Variants in EXD1 observed in about 807,000 individuals in gnomAD.
The protein encoded by EXD1 is piRNA biogenesis protein EXD1.
EXD1 carries 63 observed loss-of-function variants against 49.1 expected under a neutral mutation model. The observed-to-expected ratio is 1.28, with a 90% CI of 1.05 to 1.58. The LOEUF is 1.58. Ranked by LOEUF, EXD1 falls within the 40% of genes most tolerant of loss-of-function variation. The pLI is 0.00. For missense variants in EXD1, 748 were observed against 666.0 expected (o/e 1.12, Z -1.36); for synonymous variants, 234 against 239.2 (o/e 0.98, Z 0.20).
intron 3 of EXD1, 60 bp downstream of exon 3, chr15:41,219,770 A>G (rs2047057496): frequency 7.3e-7 from 1 of 1,362,812 alleles, no homozygotes; most frequent in South Asian, 1.3e-5. Flanking sequence ...AGACAAGACA[A>G]TTTCAAATAT....
chr15:41,192,592 GCATTTTTTTTTTTTTTTTTTTTT>G (rs1415065558), intron 9 of EXD1, among the ~76,000 whole-genome samples: 6 of 86,214 alleles, frequency 7.0e-5, no homozygotes, highest in East Asian at 7.8e-4. Context: ...ACTGCGCCAG[GCATTTTTTTTTTTTTTTTTTTTT>G]TTTTTTTTTT....
chr15:41,192,719 A>T (rs2046545617), intron 9 of EXD1, among the ~76,000 whole-genome samples: 1 of 136,206 alleles, frequency 7.3e-6, no homozygotes. Flanking sequence ...AGTTCAAGGG[A>T]TCTTCCCACC....
In EXD1 at chr15:41,189,977, G is replaced by A. The variant is rs761801280; in HGVS notation, c.1016C>T (p.Thr339Met). ...LTTLVDGYLN[T>M]YREGSADRLG... ...CCGGTCTGCAGACCCTTCGCGATAC[G>A]TGTTTAGGTAACCATCCACCAGGGT... Residue 339 changes from threonine to methionine, a missense_variant, in exon 11 of 12, where the codon ACG becomes ATG. Coordinates refer to ENST00000458580, the MANE Select transcript of EXD1 (RefSeq NM_001286441.2). 13 of 1,613,964 alleles carry A rather than the reference G, an allele frequency of 8.1e-6. No homozygotes were observed. The highest frequency in any genetic ancestry group is 4.0e-5 in the African/African-American group (3 of 74,908).
rs577420667 is a variant in EXD1, at chr15:41,190,346, G to A, written c.865-218C>T. 312 of 457,200 alleles carry A rather than the reference G, an allele frequency of 6.8e-4. 7 individuals carry two copies. Among genetic ancestry groups the A allele is most frequent in the South Asian group, 6.1e-3 (297 of 48,834 alleles). 28.3% of individuals were successfully genotyped at this position (457,200 alleles called of 1,614,324 possible). A position where few individuals can be genotyped will look rare whatever the true frequency, so the allele number is the denominator to read the frequency against. On this transcript the variant is annotated intron_variant, in intron 10 of 11. Coordinates refer to ENST00000458580, the MANE Select transcript of EXD1 (RefSeq NM_001286441.2). ...AAATTAGCTGGGCATGGTGGCACGC[G>A]CCTGTAGTCCCAGCTACTCAAGAAG...
chr15:41,212,293 TAA>T (rs545451022), intron 6 of EXD1, among the ~76,000 whole-genome samples: 1 of 143,446 alleles, frequency 7.0e-6, no homozygotes. Flanking sequence ...ACTAAAAATG[TAA>T]AAAAAAAAAA....
rs544203582 is a variant in EXD1 at position 41,195,943 on chromosome 15, C to A, written c.629G>T (p.Arg210Ile). The A allele has an allele frequency of 4.3e-6, 7 of 1,609,848 alleles. No homozygotes were observed. The highest frequency in any genetic ancestry group is 2.2e-5 in the South Asian group (2 of 90,654). ...AGTTTATATACTTACCTTCAAAATT[C>A]TCTTGTCTTCTAGTATCATCTGAAG... is the stretch of plus-strand genomic sequence containing the variant. ...NGLQMILEDKRILKVIHDCRW... is the reference protein window; with the variant it reads ...NGLQMILEDKIILKVIHDCRW... The change falls in exon 8 of 12, where the codon AGA (arginine) becomes ATA (isoleucine). Residue 210 changes from arginine to isoleucine, a missense_variant. Arg to Ile is a moderately conservative substitution (Grantham distance 97, BLOSUM62 -3). Transcript: ENST00000458580.
chr15:41,195,740 A>G (rs745574238), intron 9 of EXD1, 35 bp downstream of exon 9: 6 of 1,564,054 alleles, frequency 3.8e-6, no homozygotes, highest in Non-Finnish European at 5.2e-6. Context: ...GGAGCTGTAT[A>G]TACTGGTTTG....
intron 9 of EXD1, among the ~76,000 whole-genome samples, chr15:41,194,657 G>T (rs903200195): frequency 6.6e-6 from 1 of 152,158 alleles, no homozygotes; most frequent in Admixed American, 6.6e-5. Flanking sequence ...CTAATACACT[G>T]TTATAGAAAA....
intron 6 of EXD1, among the ~76,000 whole-genome samples, chr15:41,210,519 AC>A (rs1286099891): frequency 6.6e-6 from 1 of 152,146 alleles, no homozygotes; most frequent in Non-Finnish European, 1.5e-5. Flanking sequence ...CAGTGTCTGT[AC>A]AAAAAATACA....
intron 2 of EXD1, among the ~76,000 whole-genome samples, chr15:41,224,906 C>T (rs1275892163): frequency 2.0e-5 from 3 of 151,830 alleles, no homozygotes; most frequent in East Asian, 1.9e-4. Context: ...AAGGCTGCAG[C>T]GAGCCGTGAT....
intron 6 of EXD1, among the ~76,000 whole-genome samples, chr15:41,214,792 C>T (rs1283454441): frequency 2.6e-5 from 4 of 151,938 alleles, no homozygotes; most frequent in Admixed American, 2.6e-4. Context: ...GTCACCCAGG[C>T]TGGAGTGCAG....
intron 7 of EXD1, 35 bp from the exon 8 acceptor site, chr15:41,196,072 A>G (rs1431502553): frequency 7.3e-6 from 11 of 1,507,888 alleles, no homozygotes; most frequent in African/African-American, 1.4e-5. Context: ...ATACCATAGG[A>G]TAAGAAAGAA....
At chr15:41,185,838 G>A (rs1243312994) in intron 11 of EXD1, among the ~76,000 whole-genome samples, 1 of 151,970 alleles carries the variant, frequency 6.6e-6, no homozygotes, top group East Asian at 1.9e-4. Context: ...ATATTTTTTA[G>A]CTGCTTGTAT....
rs2047224698 is a variant in EXD1 at position 41,230,503 on chromosome 15, C to T, written c.-78G>A. ...CCATAAGCTAGGAATTCACTGTCCT[C>T]CATCGTTAGGGCTTTTTCCTCCGAA... On this transcript the variant is annotated 5_prime_UTR_variant, in exon 1 of 12. Coordinates refer to ENST00000458580, the MANE Select transcript of EXD1 (RefSeq NM_001286441.2). 6.2e-7 allele frequency: 1 copy of T among 1,614,156 alleles called. No homozygotes were observed. Among genetic ancestry groups the T allele is most frequent in the African/African-American group, 1.3e-5 (1 of 75,068 alleles).
At chr15:41,220,906 A>G (rs1407118112) in intron 2 of EXD1, among the ~76,000 whole-genome samples, 1 of 151,906 alleles carries the variant, frequency 6.6e-6, no homozygotes, top group African/African-American at 2.4e-5. Context: ...ACCTTCGACA[A>G]TACTGTTCTC....
intron 3 of EXD1, among the ~76,000 whole-genome samples, chr15:41,217,703 C>A (rs1162875581): frequency 6.6e-6 from 1 of 151,924 alleles, no homozygotes; most frequent in Non-Finnish European, 1.5e-5. Context: ...ACACAGCTAA[C>A]TTTTGTATTT....
chr15:41,184,167 A>T lies in EXD1; in HGVS notation c.1483T>A (p.Phe495Ile). 1 of 1,613,952 alleles carries T rather than the reference A, an allele frequency of 6.2e-7. No individual in the cohort carries two copies. Among genetic ancestry groups the T allele is most frequent in the African/African-American group, 1.3e-5 (1 of 74,956 alleles). The change falls in exon 12 of 12, where the codon TTT becomes ATT. Residue 495 changes from phenylalanine to isoleucine, a missense_variant. Coordinates refer to ENST00000458580, the MANE Select transcript of EXD1 (RefSeq NM_001286441.2). The part of the protein sequence containing the change: ...KEHFMTPKHE[F>I]QASLSLKEET... ...TCTTTCAAAGATAAACTTGCCTGAA[A>T]CTCATGTTTGGGTGTCATAAAGTGT...
Position 41,188,782 on chromosome 15 carries a change from C to T in EXD1, c.1056+1155G>A, listed in dbSNP as rs538972476. Among the ~76,000 whole-genome samples the T allele has an allele frequency of 4.1e-5, 6 of 147,088 alleles. No individual in the cohort carries two copies. The South Asian group carries it at 1.3e-3, about 32-fold the overall frequency. On this transcript the variant is annotated intron_variant, in intron 11 of 11. Transcript: ENST00000458580. ...CTCAGTTTAATAGTTTAAGCTTTTC[C>T]TTTTTTTTCTTTTCTTTCTTCTTTT...
intron 7 of EXD1, among the ~76,000 whole-genome samples, chr15:41,199,834 T>C (rs879846945): frequency 7.3e-6 from 1 of 136,706 alleles, no homozygotes; most frequent in Non-Finnish European, 1.6e-5. Flanking sequence ...TATGTCAATA[T>C]ATGATATATA....
Sources: gnomAD v4.1 joint callset for allele counts (sites outside exome capture counted in the v4.1 genomes callset) on GRCh38, gnomAD v4.1.1 for gene constraint, MANE v1.5 for transcripts, NCBI Gene and HGNC (gene_info 2026-07-23, HGNC 2026-07-21) for gene names.